Variants in SLC6A3 observed in about 807,000 individuals in gnomAD.
SLC6A3 encodes sodium-dependent dopamine transporter.
In SLC6A3, 19 loss-of-function variants were observed where a neutral mutation model predicts 70.4. The ratio of observed to expected loss-of-function variants is 0.27; its 90% confidence interval spans 0.19 to 0.40. SLC6A3 has a LOEUF of 0.40. Ranked by LOEUF, SLC6A3 falls within the 10% of genes least tolerant of loss-of-function variation. SLC6A3 has a pLI of 1.00. For missense variants in SLC6A3, 613 were observed against 838.5 expected (o/e 0.73, Z 3.32); for synonymous variants, 368 against 356.6 (o/e 1.03, Z -0.36).
Position 1,421,750 on chromosome 5 carries a change from GC to G in SLC6A3, c.792+125del. On this transcript the variant is annotated intron_variant, in intron 5 of 14. Transcript: ENST00000270349. The surrounding 1 kb of genome is among the most constrained non-coding windows in gnomAD (Gnocchi z 7.2). ...ATGGCCATGTGTCCACCCCAACCTG[GC>G]CATGGCCACATTGGTAGCACAAAAC... is the stretch of plus-strand genomic sequence containing the variant. 1 of 1,033,066 alleles carries G rather than the reference GC, an allele frequency of 9.7e-7. No homozygotes were observed. The highest frequency in any genetic ancestry group is 1.3e-5 in the South Asian group (1 of 78,998). The allele number at this position is 1,033,066 out of a possible 1,614,324, so 64.0% of individuals were successfully genotyped here.
At chr5:1,400,385 A>G (rs1755817488) in intron 14 of SLC6A3, among the ~76,000 whole-genome samples, 1 of 152,136 alleles carries the variant, frequency 6.6e-6, no homozygotes, top group African/African-American at 2.4e-5. Flanking sequence ...ACGGCATGTC[A>G]TGAACATGTT....
rs1262957689 is a variant in SLC6A3, at chr5:1,396,383, G to C, written c.1840-1625C>G. Among the ~76,000 whole-genome samples the C allele has an allele frequency of 6.6e-6, 1 of 152,220 alleles. No individual in the cohort carries two copies. Among genetic ancestry groups the C allele is most frequent in the African/African-American group, 2.4e-5 (1 of 41,460 alleles). ...AGACCATGGACACCAGACCGTAAGG[G>C]TCAGTGGTCCCTGAGGGAAGCCAAC... is the stretch of plus-strand genomic sequence containing the variant. On this transcript the variant is annotated intron_variant, in intron 14 of 14. Transcript: ENST00000270349. The surrounding 1 kb of genome is among the most constrained non-coding windows in gnomAD (Gnocchi z 7.0).
At position 1,400,937 on chromosome 5, in the gene SLC6A3, C is replaced by T. The variant is rs1755834750; in HGVS notation, c.1817G>A (p.Arg606Lys). ...APEKDRELVDRGEVRQFTLRH... is the reference protein window; with the variant it reads ...APEKDRELVDKGEVRQFTLRH... The stretch of plus-strand genomic sequence containing the variant: ...CACCGTGAACTGGCGCACCTCCCCT[C>T]TGTCCACCAGCTCACGGTCCTTCTC... The change falls in exon 14 of 15, where the codon AGA becomes AAA. Residue 606 changes from arginine (R) to lysine (K), a missense_variant. Transcript: ENST00000270349. The T allele has an allele frequency of 6.3e-7, 1 of 1,593,888 alleles. No individual in the cohort carries two copies. The highest frequency in any genetic ancestry group is 8.6e-7 in the Non-Finnish European group (1 of 1,168,118).
At position 1,405,486 on chromosome 5, in the gene SLC6A3, C is replaced by T. The variant is rs973932754; in HGVS notation, c.1599+702G>A. ...GGTGCTTCTCTACGTGAGCAGCTCACGGGACACTCTGCTTAGACTTGGACA... is the reference window on the plus strand; with the variant it reads ...GGTGCTTCTCTACGTGAGCAGCTCATGGGACACTCTGCTTAGACTTGGACA... On this transcript the variant is annotated intron_variant, in intron 12 of 14. Transcript: ENST00000270349. The surrounding 1 kb of genome is among the most constrained non-coding windows in gnomAD (Gnocchi z 5.3). Among the ~76,000 whole-genome samples the T allele has an allele frequency of 6.6e-6, 1 of 152,218 alleles. No homozygotes were observed. Among genetic ancestry groups the T allele is most frequent in the African/African-American group, 2.4e-5 (1 of 41,450 alleles).
rs888884195 is a variant in SLC6A3, at chr5:1,436,788, A to G, written c.419-4090T>C. 8.5e-5 allele frequency among the ~76,000 whole-genome samples: 13 copies of G among 152,204 alleles called. No homozygotes were observed. Among genetic ancestry groups the G allele is most frequent in the African/African-American group, 3.1e-4 (13 of 41,444 alleles). Reference sequence around the variant, plus strand: ...CTGCAAATGGTGCTTCGCCCACCAGAGCACGGCCACCCTGCCCCACCCCTG... The same window carrying G: ...CTGCAAATGGTGCTTCGCCCACCAGGGCACGGCCACCCTGCCCCACCCCTG... On this transcript the variant is annotated intron_variant, in intron 3 of 14. Coordinates refer to ENST00000270349, the MANE Select transcript of SLC6A3 (RefSeq NM_001044.5). This position sits in a 1 kb window ranked among gnomAD's most constrained non-coding sequence, Gnocchi z 5.2.
Position 1,436,075 on chromosome 5 carries a change from ATGCT to A in SLC6A3, c.419-3381_419-3378del, listed in dbSNP as rs1756827876. Among the ~76,000 whole-genome samples the A allele has an allele frequency of 6.7e-6, 1 of 149,884 alleles. No individual in the cohort carries two copies. On this transcript the variant is annotated intron_variant, in intron 3 of 14. Coordinates refer to ENST00000270349, the MANE Select transcript of SLC6A3 (RefSeq NM_001044.5). This position sits in a 1 kb window ranked among gnomAD's most constrained non-coding sequence, Gnocchi z 5.2. ...ACGGTGGTGGCCAGTCCCCTCCTGG[ATGCT>A]TCCCTGGGCACCTGGGTGAGGAAAT...
intron 12 of SLC6A3, among the ~76,000 whole-genome samples, chr5:1,403,796 G>A (rs1755907700): frequency 6.6e-6 from 1 of 152,146 alleles, no homozygotes; most frequent in Non-Finnish European, 1.5e-5. Context: ...AGAGGGTGGG[G>A]TGGATGCCAC....
chr5:1,419,024 C>A (rs1047211049), intron 6 of SLC6A3, among the ~76,000 whole-genome samples: 2 of 150,654 alleles, frequency 1.3e-5, no homozygotes, highest in African/African-American at 4.9e-5. Context: ...GCAATCCACC[C>A]ATCATCCATC....
intron 7 of SLC6A3, among the ~76,000 whole-genome samples, chr5:1,415,704 G>T (rs543710630): frequency 4.6e-5 from 7 of 152,140 alleles, no homozygotes; most frequent in Non-Finnish European, 8.8e-5. Flanking sequence ...GGGATGGGGG[G>T]ACACACTCAG....
At position 1,401,000 on chromosome 5, in the gene SLC6A3, A is replaced by C. The variant is rs1361197990; in HGVS notation, c.1768-14T>G. ...GTAGGCCAGTTTCTGAAAGAGAAAGAGAGTGCAGGGGTCAGTGCAGACCAG... is the reference window on the plus strand; with the variant it reads ...GTAGGCCAGTTTCTGAAAGAGAAAGCGAGTGCAGGGGTCAGTGCAGACCAG... On this transcript the variant is annotated splice_polypyrimidine_tract_variant and intron_variant, in intron 13 of 14. Coordinates refer to ENST00000270349, the MANE Select transcript of SLC6A3 (RefSeq NM_001044.5). The C allele has an allele frequency of 2.5e-6, 4 of 1,585,760 alleles. No homozygotes were observed. The East Asian group carries it at 9.1e-5, about 36-fold the overall frequency.
rs1755618548 is a variant in SLC6A3 at position 1,393,101 on chromosome 5, C to T, written c.*1634G>A. ...ATGGGGAAGCCATCCTCTGTGCTAA[C>T]TGCAGCTGCCTGGCAGTTCACAGGC... On this transcript the variant is annotated 3_prime_UTR_variant, in exon 15 of 15. Transcript: ENST00000270349. The T allele has an allele frequency of 6.6e-6, 1 of 152,288 alleles. No homozygotes were observed. The highest frequency in any genetic ancestry group is 2.1e-4 in the South Asian group (1 of 4,830). The allele number at this position is 152,288 out of a possible 1,614,324, so 9.4% of individuals were successfully genotyped here.
chr5:1,409,751 G>A lies in SLC6A3; in HGVS notation c.1368C>T (p.Thr456=). The change falls in exon 10 of 15, where the codon ACC becomes ACT. Residue 456 remains threonine, a synonymous_variant. Coordinates refer to ENST00000270349, the MANE Select transcript of SLC6A3 (RefSeq NM_001044.5). The part of the protein sequence containing the change: ...ELFTLFIVLA[T]FLLSLFCVTN... The stretch of plus-strand genomic sequence containing the variant: ...TGACGCAGAACAGGGACAGGAGGAA[G>A]GTCGCCAGGACGATGAAGAGCGTGA... 1.9e-6 allele frequency: 3 copies of A among 1,613,474 alleles called. No homozygotes were observed. The highest frequency in any genetic ancestry group is 1.7e-6 in the Non-Finnish European group (2 of 1,180,030).
At chr5:1,409,634 C>A in intron 10 of SLC6A3, 87 bp downstream of exon 10, 1 of 1,522,234 alleles carries the variant, frequency 6.6e-7, no homozygotes, top group Non-Finnish European at 9.1e-7. Flanking sequence ...GCGGTTCTGT[C>A]TGGCCTGACA....
chr5:1,437,934 A>G lies in SLC6A3; in HGVS notation c.418+3425T>C, dbSNP rs552935462. Among the ~76,000 whole-genome samples, 1 of 152,336 alleles carries G rather than the reference A, an allele frequency of 6.6e-6. No homozygotes were observed. The highest frequency in any genetic ancestry group is 1.9e-4 in the East Asian group (1 of 5,188). On this transcript the variant is annotated intron_variant, in intron 3 of 14. Transcript: ENST00000270349. This position sits in a 1 kb window ranked among gnomAD's most constrained non-coding sequence, Gnocchi z 4.8. ...ATGCATTTTTATTAACCAGATTTTTAAAAAGGACAAAGGCACATGTATCAG... is the reference window on the plus strand; with the variant it reads ...ATGCATTTTTATTAACCAGATTTTTGAAAAGGACAAAGGCACATGTATCAG...
intron 6 of SLC6A3, among the ~76,000 whole-genome samples, chr5:1,419,467 C>T (rs547826431): frequency 1.3e-5 from 2 of 152,346 alleles, no homozygotes; most frequent in African/African-American, 4.8e-5. Context: ...GTTTTGCCTC[C>T]TCCTGGGGCT....
chr5:1,429,069 T>C (rs1247058334), intron 4 of SLC6A3, among the ~76,000 whole-genome samples: 1 of 152,218 alleles, frequency 6.6e-6, no homozygotes, highest in African/African-American at 2.4e-5. Context: ...CCTTTCACAG[T>C]GAGACATCCA....
rs1319234660 is a variant in SLC6A3, at chr5:1,400,417, C to A, written c.1839+498G>T. 2.6e-5 allele frequency among the ~76,000 whole-genome samples: 4 copies of A among 152,178 alleles called. No individual in the cohort carries two copies. In the East Asian group the frequency reaches 7.7e-4, roughly 29 times the overall value. On this transcript the variant is annotated intron_variant, in intron 14 of 14. Coordinates refer to ENST00000270349, the MANE Select transcript of SLC6A3 (RefSeq NM_001044.5). ...TGTTCGCACACAGCTGGATGGCTCC[C>A]AGGGTGCAGGAAACACCTGGCGTGA...
rs1260120138 is a variant in SLC6A3, at chr5:1,396,035, T to C, written c.1840-1277A>G. Among the ~76,000 whole-genome samples, 1 of 152,108 alleles carries C rather than the reference T, an allele frequency of 6.6e-6. No homozygotes were observed. The highest frequency in any genetic ancestry group is 2.4e-5 in the African/African-American group (1 of 41,412). ...TGCAACAGATTACAGGATGGCCACA[T>C]AGGGGACTCTCAGAAAAGTGACACA... is the stretch of plus-strand genomic sequence containing the variant. On this transcript the variant is annotated intron_variant, in intron 14 of 14. Coordinates refer to ENST00000270349, the MANE Select transcript of SLC6A3 (RefSeq NM_001044.5). This position sits in a 1 kb window ranked among gnomAD's most constrained non-coding sequence, Gnocchi z 7.0.
At position 1,401,415 on chromosome 5, in the gene SLC6A3, C is replaced by T; in HGVS notation, c.1768-429G>A. ...TTCCGGGAGCACTTGCTTTTTGTCA[C>T]CTGCAGCTCTTGGGAGAGTGAACGC... On this transcript the variant is annotated intron_variant, in intron 13 of 14. Transcript: ENST00000270349. The surrounding 1 kb of genome is among the most constrained non-coding windows in gnomAD (Gnocchi z 6.1). The T allele has an allele frequency of 5.1e-6, 2 of 394,898 alleles. No individual in the cohort carries two copies. The highest frequency in any genetic ancestry group is 3.9e-5 in the South Asian group (2 of 51,808). 24.5% of individuals were successfully genotyped at this position (394,898 alleles called of 1,614,324 possible). A position where few individuals can be genotyped will look rare whatever the true frequency, so the allele number is the denominator to read the frequency against.
Sources: allele counts gnomAD v4.1 joint callset (sites outside exome capture counted in the v4.1 genomes callset), GRCh38; gene constraint gnomAD v4.1.1; non-coding constraint Gnocchi (gnomAD v3.1); transcripts MANE v1.5; gene names NCBI Gene and HGNC (gene_info 2026-07-23, HGNC 2026-07-21).